VPS9D1: variants seen among roughly 807,000 people sequenced by gnomAD.
VPS9D1 encodes VPS9 domain containing 1, also known as VPS9 domain-containing protein 1.
Under a neutral mutation model 75.8 loss-of-function variants are expected in VPS9D1, and 78 were observed. The ratio of observed to expected loss-of-function variants is 1.03; its 90% confidence interval spans 0.86 to 1.24. VPS9D1 has a LOEUF of 1.24. Among genes scored for constraint, VPS9D1 ranks in the 50% most tolerant of loss-of-function variants. The probability of loss-of-function intolerance (pLI) is 0.00; values close to 1 mark genes in which losing one functional copy is unlikely to be tolerated. For missense variants in VPS9D1, 1,057 were observed against 847.7 expected, an observed-to-expected ratio of 1.25 and a Z score of -3.07; for synonymous variants, 481 against 385.6, an observed-to-expected ratio of 1.25 and a Z score of -2.90.
chr16:89,717,267 G>T, intron 2 of VPS9D1: 1 of 317,884 alleles, frequency 3.1e-6, no homozygotes, highest in Non-Finnish European at 6.2e-6. Context: ...AAGGCTGTGG[G>T]CCCCTCATCG....
At chr16:89,719,227 C>T in intron 1 of VPS9D1, 125 bp from the exon 2 acceptor site, 1 of 915,484 alleles carries the variant, frequency 1.1e-6, no homozygotes, top group South Asian at 1.3e-5. Context: ...GAGATACACC[C>T]AGAGACATTG....
Position 89,719,021 on chromosome 16 carries a change from C to T in VPS9D1, c.175+6G>A, listed in dbSNP as rs916188573. On this transcript the variant is annotated splice_donor_region_variant and intron_variant, in intron 2 of 14. Coordinates refer to ENST00000389386, the MANE Select transcript of VPS9D1 (RefSeq NM_004913.3). ...GAGCCACCGCGCCCGGCTGGCTGAGCCGTACCTTTAGTGGTTTCCACTTCT... is the reference window on the plus strand; with the variant it reads ...GAGCCACCGCGCCCGGCTGGCTGAGTCGTACCTTTAGTGGTTTCCACTTCT... 38 of 1,611,794 alleles carry T rather than the reference C, an allele frequency of 2.4e-5. No individual in the cohort carries two copies. Among genetic ancestry groups the T allele is most frequent in the Non-Finnish European group, 3.1e-5 (37 of 1,178,956 alleles).
Position 89,709,850 on chromosome 16 carries a change from T to C in VPS9D1, c.1315A>G (p.Lys439Glu), listed in dbSNP as rs770660059. Reference sequence around the variant, plus strand: ...TCAATGCAGGCCAGGCAGCGGTCCTTGGAGGCAGCTGTGTTTAGGCCTTCG... The same window carrying C: ...TCAATGCAGGCCAGGCAGCGGTCCTCGGAGGCAGCTGTGTTTAGGCCTTCG... ...AFEGLNTAAS[K>E]DRCLACIEEP... Residue 439 changes from lysine to glutamate, a missense_variant, in exon 11 of 15, where the codon AAG becomes GAG. Coordinates refer to ENST00000389386, the MANE Select transcript of VPS9D1 (RefSeq NM_004913.3). 24 of 1,613,518 alleles carry C rather than the reference T, an allele frequency of 1.5e-5. No homozygotes were observed. In the Admixed American group the frequency reaches 3.8e-4, roughly 26 times the overall value.
At chr16:89,712,811 G>A in intron 4 of VPS9D1, 95 bp from the exon 5 acceptor site, 1 of 1,140,486 alleles carries the variant, frequency 8.8e-7, no homozygotes, top group South Asian at 1.7e-5. Context: ...TTGCTCTGAG[G>A]CCAGGAGGTG....
intron 8 of VPS9D1, 128 bp downstream of exon 8, chr16:89,711,754 T>A: frequency 8.7e-7 from 1 of 1,143,706 alleles, no homozygotes; most frequent in Non-Finnish European, 1.2e-6. Context: ...CACGGGCCTC[T>A]GGCCCCGCCC....
In VPS9D1 at chr16:89,709,399, C is replaced by T. The variant is rs1241439453; in HGVS notation, c.1425G>A (p.Arg475=). ...VHRAREAALS[R]SMELYRNAPP... is the part of the protein sequence containing the mutation. Reference sequence around the variant, plus strand: ...GTGCATTCCTGTAGAGCTCCATGCTCCTGCTCAGGGCAGCCTCCCGGGCTC... The same window carrying T: ...GTGCATTCCTGTAGAGCTCCATGCTTCTGCTCAGGGCAGCCTCCCGGGCTC... The change falls in exon 12 of 15, where the codon AGG becomes AGA. Residue 475 remains arginine, a synonymous_variant. Transcript: ENST00000389386. The T allele has an allele frequency of 2.6e-6, 4 of 1,534,456 alleles. No individual in the cohort carries two copies. The highest frequency in any genetic ancestry group is 1.4e-5 in the African/African-American group (1 of 72,660).
In VPS9D1 at chr16:89,719,036, T is replaced by G; in HGVS notation, c.166A>C (p.Thr56Pro). Residue 56 changes from threonine (T) to proline (P), a missense_variant, in exon 2 of 15, where the codon ACC becomes CCC. Physicochemically the swap from Thr to Pro is conservative, Grantham distance 38. Coordinates refer to ENST00000389386, the MANE Select transcript of VPS9D1 (RefSeq NM_004913.3). ...ISQVLLEEVE[T>P]TKEAGETVPP... The stretch of plus-strand genomic sequence containing the variant: ...GCTGGCTGAGCCGTACCTTTAGTGG[T>G]TTCCACTTCTTCTAGTAACACCTGG... 6.2e-7 allele frequency: 1 copy of G among 1,613,276 alleles called. No homozygotes were observed. Among genetic ancestry groups the G allele is most frequent in the South Asian group, 1.1e-5 (1 of 91,084 alleles).
Position 89,720,751 on chromosome 16 carries a change from G to A in VPS9D1, c.99+12C>T. 2.1e-6 allele frequency: 3 copies of A among 1,438,318 alleles called. No individual in the cohort carries two copies. The highest frequency in any genetic ancestry group is 1.5e-5 in the African/African-American group (1 of 67,580). The allele number at this position is 1,438,318 out of a possible 1,614,324, so 89.1% of individuals were successfully genotyped here. ...CCCTCAGCGGCCAAGCCCCGCCCCC[G>A]CCCCGCCTCACCCGGGGCCGGTTGC... On this transcript the variant is annotated intron_variant, in intron 1 of 14. Coordinates refer to ENST00000389386, the MANE Select transcript of VPS9D1 (RefSeq NM_004913.3).
At chr16:89,716,385 G>A (rs1024187323) in intron 4 of VPS9D1, 77 bp downstream of exon 4, 21 of 1,574,774 alleles carry the variant, frequency 1.3e-5, no homozygotes, top group Admixed American at 9.7e-5. Flanking sequence ...AAAAAAAATC[G>A]CTGTCATCAG....
chr16:89,711,496 A>T lies in VPS9D1; in HGVS notation c.748-84T>A. 3 of 1,349,930 alleles carry T rather than the reference A, an allele frequency of 2.2e-6. No homozygotes were observed. In the South Asian group the frequency reaches 4.2e-5, roughly 19 times the overall value. 83.6% of individuals were successfully genotyped at this position (1,349,930 alleles called of 1,614,324 possible). A position where few individuals can be genotyped will look rare whatever the true frequency, so the allele number is the denominator to read the frequency against. On this transcript the variant is annotated intron_variant, in intron 8 of 14. Transcript: ENST00000389386. ...TCATCTCCCACCAGTGCCGACCCCT[A>T]GAGACTGTGGGAGCCCGTCCTGGGG...
chr16:89,709,495 A>T, intron 11 of VPS9D1, 60 bp from the exon 12 acceptor site: 1 of 1,465,274 alleles, frequency 6.8e-7, no homozygotes. Flanking sequence ...GGACAGAAGC[A>T]GGGCTGTGGC....
At chr16:89,716,438 C>T (rs1242486780) in intron 4 of VPS9D1, 24 bp downstream of exon 4, 1 of 1,613,232 alleles carries the variant, frequency 6.2e-7, no homozygotes, top group African/African-American at 1.3e-5. Flanking sequence ...AGGCTCATCC[C>T]ACCTCCCATC....
chr16:89,717,170 G>T (rs1278597271), intron 2 of VPS9D1, among the ~76,000 whole-genome samples: 4 of 139,944 alleles, frequency 2.9e-5, no homozygotes, highest in Non-Finnish European at 6.2e-5. Flanking sequence ...CCCAGGCAAG[G>T]CCCCTGCCCC....
rs1375196622 is a variant in VPS9D1 at position 89,716,460 on chromosome 16, ACTT to A, written c.430_431+1del. 2 of 1,613,852 alleles carry A rather than the reference ACTT, an allele frequency of 1.2e-6. No homozygotes were observed. Among genetic ancestry groups the A allele is most frequent in the Admixed American group, 3.3e-5 (2 of 59,992 alleles). ...TCCCACCTCCCATCTTGTCCATCTT[ACTT>A]CTTACAGCTTTGTGACTCTGCCCCC... On this transcript the variant is annotated splice_donor_variant and coding_sequence_variant, in exon 4 of 15. Transcript: ENST00000389386. LOFTEE classifies it high-confidence loss of function.
chr16:89,710,068 G>A (rs1451315890), intron 10 of VPS9D1, among the ~76,000 whole-genome samples, 162 bp from the exon 11 acceptor site: 1 of 152,182 alleles, frequency 6.6e-6, no homozygotes, highest in African/African-American at 2.4e-5. Flanking sequence ...AGGGAGTCCG[G>A]GACTGGAAAC....
chr16:89,720,850 C>A lies in VPS9D1; in HGVS notation c.12G>T (p.Ala4=). ...GCGGCTTCACCGTGCCGTCCCCGGC[C>A]GCAGCGGCCATGGCGCCGAGCGGGG... is the stretch of plus-strand genomic sequence containing the variant. The part of the protein sequence containing the change: MAA[A]AGDGTVKPLQ... Residue 4 remains alanine (A), a synonymous_variant, in exon 1 of 15, where the codon GCG becomes GCT. Coordinates refer to ENST00000389386, the MANE Select transcript of VPS9D1 (RefSeq NM_004913.3). The A allele has an allele frequency of 7.0e-7, 1 of 1,420,468 alleles. No individual in the cohort carries two copies. The highest frequency in any genetic ancestry group is 1.4e-5 in the South Asian group (1 of 69,486). 88.0% of individuals were successfully genotyped at this position (1,420,468 alleles called of 1,614,324 possible).
chr16:89,712,157 C>G lies in VPS9D1; in HGVS notation c.607-58G>C, dbSNP rs968135112. ...TCTGAGCGGGCCCTCGGTTCCCAAC[C>G]CCGTCCCACACCCGGAGAGGCCGGG... On this transcript the variant is annotated intron_variant, in intron 6 of 14. Transcript: ENST00000389386. The G allele has an allele frequency of 1.2e-5, 19 of 1,545,658 alleles. No homozygotes were observed. In the South Asian group the frequency reaches 1.8e-4, roughly 15 times the overall value.
intron 4 of VPS9D1, chr16:89,713,001 A>G (rs2060973795): frequency 4.1e-6 from 1 of 242,634 alleles, no homozygotes; most frequent in Admixed American, 5.3e-5. Context: ...CCTGGCCAAC[A>G]TGGTGAAACT....
intron 1 of VPS9D1, among the ~76,000 whole-genome samples, chr16:89,719,712 G>A (rs1054662327): frequency 1.3e-5 from 2 of 152,108 alleles, no homozygotes; most frequent in Non-Finnish European, 2.9e-5. Flanking sequence ...TGGAACCACA[G>A]AATGGTGGTT....
Sources: gnomAD v4.1 joint callset for allele counts (sites outside exome capture counted in the v4.1 genomes callset) on GRCh38, gnomAD v4.1.1 for gene constraint, MANE v1.5 for transcripts, NCBI Gene and HGNC (gene_info 2026-07-23, HGNC 2026-07-21) for gene names.